TRIM2: variants seen among roughly 807,000 people sequenced by gnomAD.
The protein encoded by TRIM2 is tripartite motif-containing protein 2.
TRIM2 carries 20 observed loss-of-function variants against 75.2 expected under a neutral mutation model. The observed-to-expected ratio is 0.27, with a 90% CI of 0.19 to 0.39. The LOEUF (loss-of-function observed/expected upper bound fraction) is 0.39. TRIM2 is among the 10% of genes least tolerant of loss of function. The pLI, the probability that TRIM2 is intolerant of heterozygous loss-of-function variation, is 1.00. For missense variants in TRIM2, 660 were observed against 990.8 expected (o/e 0.67, Z 4.48); for synonymous variants, 373 against 388.3 (o/e 0.96, Z 0.46).
chr4:153,237,790 C>T (rs1745429658), intron 1 of TRIM2, among the ~76,000 whole-genome samples: 1 of 152,108 alleles, frequency 6.6e-6, no homozygotes, highest in South Asian at 2.1e-4. Flanking sequence ...GTCAGGACAT[C>T]TATGAATGGT....
chr4:153,260,724 A>T (rs1390096315), intron 1 of TRIM2, among the ~76,000 whole-genome samples: 5 of 112,572 alleles, frequency 4.4e-5, no homozygotes, highest in African/African-American at 1.5e-4. Context: ...ACACACACAC[A>T]CATCATCATC....
chr4:153,243,824 C>G (rs1200860411), intron 1 of TRIM2, among the ~76,000 whole-genome samples: 4 of 135,230 alleles, frequency 3.0e-5, no homozygotes, highest in East Asian at 2.5e-4. Flanking sequence ...TTTTTCCCCC[C>G]CCCCTTGAGA....
At chr4:153,154,784 C>T (rs549359554) in intron 1 of TRIM2, among the ~76,000 whole-genome samples, 42 of 152,180 alleles carry the variant, frequency 2.8e-4, no homozygotes, top group African/African-American at 1.0e-3. Flanking sequence ...CAGGTTATGG[C>T]CCTGGGGAAA....
intron 1 of TRIM2, among the ~76,000 whole-genome samples, chr4:153,250,580 T>C (rs1446506989): frequency 1.3e-5 from 2 of 152,134 alleles, no homozygotes; most frequent in Admixed American, 6.5e-5. Flanking sequence ...TTGGATAGGG[T>C]TGCTGGGCAT....
At chr4:153,274,935 T>C (rs1355566481) in intron 2 of TRIM2, among the ~76,000 whole-genome samples, 2 of 152,244 alleles carry the variant, frequency 1.3e-5, no homozygotes, top group Non-Finnish European at 2.9e-5. Context: ...GATCAGTGAA[T>C]GTCTCTGATG....
chr4:153,293,167 G>C, intron 4 of TRIM2, 34 bp downstream of exon 4: 2 of 1,581,802 alleles, frequency 1.3e-6, no homozygotes, highest in Middle Eastern at 2.0e-4. Flanking sequence ...CCAACTGGCT[G>C]CCTGTACTTG....
intron 6 of TRIM2, among the ~76,000 whole-genome samples, chr4:153,299,335 A>G (rs899673681): frequency 3.9e-5 from 6 of 152,034 alleles, no homozygotes; most frequent in African/African-American, 1.5e-4. Context: ...GCTGAATAGT[A>G]TTCCATTGTG....
At chr4:153,297,462 T>A (rs1763003960) in intron 6 of TRIM2, among the ~76,000 whole-genome samples, 1 of 152,196 alleles carries the variant, frequency 6.6e-6, no homozygotes, top group Admixed American at 6.5e-5. Context: ...TTATCAGAAC[T>A]ATTCTAAGTT....
chr4:153,282,733 G>C (rs988949139), intron 3 of TRIM2, among the ~76,000 whole-genome samples: 4 of 151,056 alleles, frequency 2.6e-5, no homozygotes, highest in African/African-American at 9.7e-5. Context: ...AGGTGTTAAG[G>C]CACCGAGCCT....
chr4:153,329,523 A>G (rs1274190155), intron 11 of TRIM2, among the ~76,000 whole-genome samples: 2 of 151,482 alleles, frequency 1.3e-5, no homozygotes, highest in Non-Finnish European at 1.5e-5. Flanking sequence ...CAAACCCCAA[A>G]CAAGCAGAAG....
chr4:153,335,840 A>G lies in TRIM2; in HGVS notation c.*874A>G. ...CGTGTCTCTTCTCTTCGACTTCCTG[A>G]AAGCGAAAGCTTTACCTCCTGCAAA... On this transcript the variant is annotated 3_prime_UTR_variant, in exon 12 of 12. Coordinates refer to ENST00000338700, the MANE Select transcript of TRIM2 (RefSeq NM_015271.5). The G allele has an allele frequency of 1.0e-6, 1 of 985,804 alleles. No individual in the cohort carries two copies. Among genetic ancestry groups the G allele is most frequent in the Non-Finnish European group, 1.2e-6 (1 of 829,920 alleles). The allele number at this position is 985,804 out of a possible 1,614,324, so 61.1% of individuals were successfully genotyped here.
intron 11 of TRIM2, among the ~76,000 whole-genome samples, chr4:153,330,040 T>C (rs1771121796): frequency 6.6e-6 from 1 of 152,118 alleles, no homozygotes; most frequent in South Asian, 2.1e-4. Flanking sequence ...GGGAATTCTG[T>C]GAACAACTCT....
rs111310423 is a variant in TRIM2, at chr4:153,337,053, G to A, written c.*2087G>A. 9 of 984,492 alleles carry A rather than the reference G, an allele frequency of 9.1e-6. No homozygotes were observed. The highest frequency in any genetic ancestry group is 9.6e-6 in the Non-Finnish European group (8 of 829,284). 61.0% of individuals were successfully genotyped at this position (984,492 alleles called of 1,614,324 possible). ...TGATGGACAAAACAGGTAAAAAATC[G>A]CTGCCCCCTCAGAGCTGACATTCTG... On this transcript the variant is annotated 3_prime_UTR_variant, in exon 12 of 12. Transcript: ENST00000338700.
At chr4:153,257,386 A>G in intron 1 of TRIM2, 4 of 1,134,826 alleles carry the variant, frequency 3.5e-6, no homozygotes, top group Non-Finnish European at 4.4e-6. Context: ...AGTCTTTTCA[A>G]CAGACGCTCA....
In TRIM2 at chr4:153,275,897, C is replaced by T. The variant is rs12644835; in HGVS notation, c.220C>T (p.Leu74=). ...PCLHTFCERC[L]QNYIPAHSLT... Reference sequence around the variant, plus strand: ...CCACCTCTGCTTCTGCAACAGGTGCCTGCAGAACTACATTCCTGCCCACAG... The same window carrying T: ...CCACCTCTGCTTCTGCAACAGGTGCTTGCAGAACTACATTCCTGCCCACAG... Residue 74 remains leucine (L), a synonymous_variant, in exon 3 of 12, where the codon CTG becomes TTG. Coordinates refer to ENST00000338700, the MANE Select transcript of TRIM2 (RefSeq NM_015271.5). 36 of 1,613,800 alleles carry T rather than the reference C, an allele frequency of 2.2e-5. No individual in the cohort carries two copies. The African/African-American group carries it at 4.0e-4, about 18-fold the overall frequency.
chr4:153,194,228 C>G (rs751393465), intron 1 of TRIM2, among the ~76,000 whole-genome samples: 1 of 152,180 alleles, frequency 6.6e-6, no homozygotes, highest in Non-Finnish European at 1.5e-5. Flanking sequence ...AATCTCTCAT[C>G]TCTCCCCTAA....
intron 6 of TRIM2, among the ~76,000 whole-genome samples, chr4:153,311,348 T>C (rs78034937): frequency 0.011 from 1,712 of 150,796 alleles, 29 homozygotes; most frequent in East Asian, 0.074. Flanking sequence ...ATTTTCTCTG[T>C]TTTTTTTTCT....
intron 1 of TRIM2, among the ~76,000 whole-genome samples, chr4:153,199,011 TCC>T (rs1231794980): frequency 1.3e-5 from 2 of 152,230 alleles, no homozygotes; most frequent in African/African-American, 2.4e-5. Context: ...ATGTCATCTC[TCC>T]ATCTTTTCAA....
intron 1 of TRIM2, among the ~76,000 whole-genome samples, chr4:153,183,352 G>C (rs1208776710): frequency 6.6e-6 from 1 of 152,198 alleles, no homozygotes; most frequent in African/African-American, 2.4e-5. Flanking sequence ...TTCCTTGAAG[G>C]CATGTATTGT....
Sources: gnomAD v4.1 joint callset for allele counts (sites outside exome capture counted in the v4.1 genomes callset) on GRCh38, gnomAD v4.1.1 for gene constraint, MANE v1.5 for transcripts, NCBI Gene and HGNC (gene_info 2026-07-23, HGNC 2026-07-21) for gene names.